The following EBF3 variants were observed in gnomAD, a reference collection of about 807,000 sequenced individuals.
EBF3 encodes the protein EBF transcription factor 3, also known as transcription factor COE3.
EBF3 carries 18 observed loss-of-function variants against 77.1 expected under a neutral mutation model. The ratio of observed to expected loss-of-function variants is 0.23; its 90% confidence interval spans 0.16 to 0.35. The LOEUF is 0.35. EBF3 is among the 10% of genes least tolerant of loss of function. The pLI, the probability that EBF3 is intolerant of heterozygous loss-of-function variation, is 1.00. For missense variants in EBF3, 558 were observed against 860.0 expected, an observed-to-expected ratio of 0.65 and a Z score of 4.39; for synonymous variants, 350 against 343.5, an observed-to-expected ratio of 1.02 and a Z score of -0.21.
intron 6 of EBF3, among the ~76,000 whole-genome samples, chr10:129,891,469 CATTT>C (rs781513592): frequency 5.6e-4 from 86 of 152,340 alleles, no homozygotes; most frequent in Admixed American, 2.4e-3. Context: ...TGATACCATT[CATTT>C]GTTTCAAGTA....
intron 6 of EBF3, among the ~76,000 whole-genome samples, chr10:129,896,522 G>A (rs557701985): frequency 1.3e-5 from 2 of 152,200 alleles, no homozygotes; most frequent in Non-Finnish European, 2.9e-5. Context: ...GGCCGGGTGT[G>A]GGGGTGCGAC....
chr10:129,896,940 T>C (rs1414670720), intron 6 of EBF3, among the ~76,000 whole-genome samples: 4 of 152,128 alleles, frequency 2.6e-5, no homozygotes, highest in Admixed American at 6.5e-5. Flanking sequence ...CTGTCCTTCA[T>C]AGAGAGGGAA....
At chr10:129,930,616 ATC>A (rs1374740840) in intron 6 of EBF3, among the ~76,000 whole-genome samples, 1 of 142,834 alleles carries the variant, frequency 7.0e-6, no homozygotes, top group African/African-American at 2.6e-5. Flanking sequence ...CTATATCTAT[ATC>A]TGTCTATATC....
At chr10:129,877,045 C>T (rs1010029437) in intron 7 of EBF3, among the ~76,000 whole-genome samples, 9 of 151,982 alleles carry the variant, frequency 5.9e-5, no homozygotes, top group Admixed American at 1.3e-4. Context: ...GGAAGGAAGC[C>T]GAGGCCAGGA....
chr10:129,865,353 T>C (rs549114029), intron 10 of EBF3, among the ~76,000 whole-genome samples: 27 of 152,334 alleles, frequency 1.8e-4, no homozygotes, highest in African/African-American at 6.3e-4. Flanking sequence ...GTGACATGTC[T>C]TTATTTTTTT....
Position 129,867,312 on chromosome 10 carries a change from TGA to T in EBF3, c.913-47_913-46del, listed in dbSNP as rs751734630. 6.8e-6 allele frequency: 11 copies of T among 1,609,412 alleles called. No homozygotes were observed. The African/African-American group carries it at 1.3e-4, about 20-fold the overall frequency. Reference sequence around the variant, plus strand: ...AACAGGCGCTCAGCGGCGCTGGCTATGAGAGGCGGACACTTGCCAGTTGGATA... The same window carrying T: ...AACAGGCGCTCAGCGGCGCTGGCTATGAGGCGGACACTTGCCAGTTGGATA... On this transcript the variant is annotated intron_variant, in intron 9 of 16. Transcript: ENST00000440978.
At position 129,863,486 on chromosome 10, in the gene EBF3, CA is replaced by C. The variant is rs937795310; in HGVS notation, c.1039+3654del. On this transcript the variant is annotated intron_variant, in intron 10 of 16. Coordinates refer to ENST00000440978, the MANE Select transcript of EBF3 (RefSeq NM_001375380.1). This position sits in a 1 kb window ranked among gnomAD's most constrained non-coding sequence, Gnocchi z 4.0. ...GTAAACAGATCATTGAGGCCCTTTG[CA>C]AAGCCCCTCCCAGCCTCTGGCGGGC... Among the ~76,000 whole-genome samples the C allele has an allele frequency of 6.6e-6, 1 of 152,216 alleles. No homozygotes were observed. Among genetic ancestry groups the C allele is most frequent in the African/African-American group, 2.4e-5 (1 of 41,464 alleles).
intron 6 of EBF3, among the ~76,000 whole-genome samples, chr10:129,890,977 A>G (rs573518332): frequency 4.4e-4 from 67 of 152,330 alleles, no homozygotes; most frequent in African/African-American, 1.6e-3. Flanking sequence ...GCCACTTACC[A>G]TACAAATGGA....
At chr10:129,957,388 A>AC (rs71481028) in intron 5 of EBF3, 62 bp from the exon 6 acceptor site, 3 of 1,162,868 alleles carry the variant, frequency 2.6e-6, no homozygotes, top group Non-Finnish European at 2.4e-6. Context: ...CCCGACTTGT[A>AC]TTTTTTTTTT....
rs1564856571 is a variant in EBF3 at position 129,885,984 on chromosome 10, G to A, written c.555-8135C>T. On this transcript the variant is annotated intron_variant, in intron 6 of 16. Coordinates refer to ENST00000440978, the MANE Select transcript of EBF3 (RefSeq NM_001375380.1). This position sits in a 1 kb window ranked among gnomAD's most constrained non-coding sequence, Gnocchi z 4.0. ...CATCCTGATTCCTGATGGCTGGGGAGGTCATTCTCAAAATAAATGTGGGTG... is the reference window on the plus strand; with the variant it reads ...CATCCTGATTCCTGATGGCTGGGGAAGTCATTCTCAAAATAAATGTGGGTG... 1.3e-5 allele frequency among the ~76,000 whole-genome samples: 2 copies of A among 151,864 alleles called. No homozygotes were observed. Among genetic ancestry groups the A allele is most frequent in the African/African-American group, 4.8e-5 (2 of 41,372 alleles).
intron 15 of EBF3, among the ~76,000 whole-genome samples, chr10:129,840,012 G>A (rs998303633): frequency 1.2e-4 from 18 of 152,238 alleles, no homozygotes; most frequent in African/African-American, 3.1e-4. Flanking sequence ...AGGTGCCGTC[G>A]GAAGGGTGAG....
chr10:129,865,836 G>C (rs914435366), intron 10 of EBF3, among the ~76,000 whole-genome samples: 4 of 152,238 alleles, frequency 2.6e-5, no homozygotes, highest in African/African-American at 9.6e-5. Flanking sequence ...GGACAGAGGA[G>C]AGGACTGTGT....
intron 15 of EBF3, 106 bp downstream of exon 15, chr10:129,840,139 C>T (rs1163677238): frequency 5.7e-6 from 8 of 1,393,426 alleles, no homozygotes; most frequent in Non-Finnish European, 7.7e-6. Context: ...GGAGAACATG[C>T]AGCAGTCACA....
chr10:129,874,234 G>T (rs1235663674), intron 7 of EBF3, among the ~76,000 whole-genome samples: 2 of 152,144 alleles, frequency 1.3e-5, no homozygotes, highest in Admixed American at 1.3e-4. Context: ...CATTGCAAAG[G>T]CTGGCAAGGA....
intron 10 of EBF3, among the ~76,000 whole-genome samples, chr10:129,852,392 T>C (rs1341999486): frequency 1.3e-5 from 2 of 152,188 alleles, no homozygotes; most frequent in Non-Finnish European, 2.9e-5. Context: ...GCAGCTAATG[T>C]GGCAGCAGAA....
intron 3 of EBF3, 104 bp from the exon 4 acceptor site, chr10:129,962,330 G>A (rs1859588306): frequency 1.0e-6 from 1 of 993,980 alleles, no homozygotes; most frequent in African/African-American, 1.6e-5. Flanking sequence ...CTGCCACGGT[G>A]ATGCAGCAGA....
At chr10:129,840,178 A>AC in intron 15 of EBF3, 67 bp downstream of exon 15, 3 of 785,166 alleles carry the variant, frequency 3.8e-6, no homozygotes, top group Non-Finnish European at 3.9e-6. Flanking sequence ...CCGAGCCCCC[A>AC]CCCCCACTCC....
At chr10:129,839,004 C>T (rs1332257342) in intron 16 of EBF3, 79 bp downstream of exon 16, 77 of 1,252,216 alleles carry the variant, frequency 6.1e-5, no homozygotes, top group Non-Finnish European at 8.0e-5. Context: ...GCAGGCCAGT[C>T]GGCGGCACTT....
intron 7 of EBF3, 22 bp downstream of exon 7, chr10:129,877,746 C>T (rs762642332): frequency 5.0e-6 from 8 of 1,604,746 alleles, no homozygotes; most frequent in African/African-American, 2.7e-5. Flanking sequence ...CCACGGTCCA[C>T]GTGTCTTTGA....
Sources: gnomAD v4.1 joint callset for allele counts (sites outside exome capture counted in the v4.1 genomes callset) on GRCh38, gnomAD v4.1.1 for gene constraint, Gnocchi (gnomAD v3.1) non-coding constraint, MANE v1.5 for transcripts, NCBI Gene and HGNC (gene_info 2026-07-23, HGNC 2026-07-21) for gene names.